ENTHD1: variants seen among roughly 807,000 people sequenced by gnomAD.
ENTHD1 encodes the protein ENTH domain-containing protein 1.
A neutral mutation model predicts 39.1 loss-of-function variants in ENTHD1; 23 were observed. The ratio of observed to expected loss-of-function variants is 0.59; its 90% confidence interval spans 0.42 to 0.83. The LOEUF (loss-of-function observed/expected upper bound fraction) is 0.83, where lower values mean the gene tolerates loss of function less well. Ranked by LOEUF, ENTHD1 falls within the 40% of genes least tolerant of loss-of-function variation. The probability of loss-of-function intolerance (pLI) is 0.00; values close to 1 mark genes in which losing one functional copy is unlikely to be tolerated. For synonymous variants in ENTHD1, 230 were observed against 258.2 expected (o/e 0.89, Z 1.05); for missense variants, 624 against 705.4 (o/e 0.88, Z 1.31).
At chr22:39,814,761 T>C (rs949166790) in intron 5 of ENTHD1, among the ~76,000 whole-genome samples, 3 of 152,218 alleles carry the variant, frequency 2.0e-5, no homozygotes, top group Admixed American at 2.0e-4. Context: ...TAATTCCAGC[T>C]GCATTAAATA....
intron 4 of ENTHD1, among the ~76,000 whole-genome samples, chr22:39,826,010 G>A (rs2065823495): frequency 1.3e-5 from 2 of 152,106 alleles, no homozygotes; most frequent in African/African-American, 4.8e-5. Flanking sequence ...TGAGTAGCTG[G>A]GACTATAGGC....
chr22:39,779,747 T>C (rs1168439459), intron 5 of ENTHD1, among the ~76,000 whole-genome samples: 1 of 152,130 alleles, frequency 6.6e-6, no homozygotes, highest in Non-Finnish European at 1.5e-5. Flanking sequence ...ATATAAAATA[T>C]GTAAATTGAC....
chr22:39,807,913 G>GTA lies in ENTHD1; in HGVS notation c.832+13078_832+13079dup, dbSNP rs1555929241. 6.3e-3 allele frequency among the ~76,000 whole-genome samples: 954 copies of GTA among 150,538 alleles called. 8 individuals carry two copies. The highest frequency in any genetic ancestry group is 0.021 in the African/African-American group (878 of 40,854). ...CGTGTGTGTGTGTGTGTGTGTGTGT[G>GTA]TATATATATACTGGGTCATGACATA... On this transcript the variant is annotated intron_variant, in intron 5 of 6. Transcript: ENST00000325157.
At chr22:39,866,781 C>T (rs2066185234) in intron 2 of ENTHD1, among the ~76,000 whole-genome samples, 1 of 152,216 alleles carries the variant, frequency 6.6e-6, no homozygotes, top group Admixed American at 6.5e-5. Flanking sequence ...CTGTCTTTTC[C>T]CTCCAATTAA....
chr22:39,888,570 G>T (rs956189358), intron 1 of ENTHD1, among the ~76,000 whole-genome samples: 1 of 152,072 alleles, frequency 6.6e-6, no homozygotes, highest in Non-Finnish European at 1.5e-5. Flanking sequence ...TGGGATTACA[G>T]ATGCACGCCA....
intron 5 of ENTHD1, among the ~76,000 whole-genome samples, chr22:39,771,938 T>C (rs2065329446): frequency 6.6e-6 from 1 of 152,144 alleles, no homozygotes; most frequent in Non-Finnish European, 1.5e-5. Flanking sequence ...TATAGGAGAA[T>C]GTAAAAGATT....
chr22:39,857,510 G>C (rs1180302425), intron 3 of ENTHD1, among the ~76,000 whole-genome samples: 1 of 146,288 alleles, frequency 6.8e-6, no homozygotes, highest in Non-Finnish European at 1.5e-5. Context: ...AGAATTTCTT[G>C]CATGAATCAT....
Position 39,825,708 on chromosome 22 carries a change from T to G in ENTHD1, c.712-4595A>C, listed in dbSNP as rs80282903. ...TGTCAAAGTTATAAAGTTTTTGTGGTTTTTTTTTTTGTTTTCTTTTTGAGA... is the reference window on the plus strand; with the variant it reads ...TGTCAAAGTTATAAAGTTTTTGTGGGTTTTTTTTTTGTTTTCTTTTTGAGA... On this transcript the variant is annotated intron_variant, in intron 4 of 6. Coordinates refer to ENST00000325157, the MANE Select transcript of ENTHD1 (RefSeq NM_152512.4). 4.6e-3 allele frequency among the ~76,000 whole-genome samples: 657 copies of G among 142,792 alleles called. 10 individuals carry two copies. Among genetic ancestry groups the G allele is most frequent in the African/African-American group, 0.015 (599 of 38,656 alleles). The allele number at this position is 142,792 out of a possible 152,430, so 93.7% of individuals were successfully genotyped here.
At chr22:39,813,801 C>G (rs1457316970) in intron 5 of ENTHD1, among the ~76,000 whole-genome samples, 8 of 152,002 alleles carry the variant, frequency 5.3e-5, no homozygotes, top group African/African-American at 1.9e-4. Flanking sequence ...GATTTTCAAC[C>G]TAAGAAACCC....
At chr22:39,816,649 C>A (rs932363023) in intron 5 of ENTHD1, among the ~76,000 whole-genome samples, 1 of 151,968 alleles carries the variant, frequency 6.6e-6, no homozygotes, top group African/African-American at 2.4e-5. Flanking sequence ...AAACCATTCG[C>A]AAATACTTTA....
In ENTHD1 at chr22:39,768,902, G is replaced by A. The variant is rs2065299433; in HGVS notation, c.833-3293C>T. ...ACAAGCAGAAGTCACAATTCCTACT[G>A]TCGATGAACTAATGCCAATGAACGA... is the stretch of plus-strand genomic sequence containing the variant. On this transcript the variant is annotated intron_variant, in intron 5 of 6. Transcript: ENST00000325157. Among the ~76,000 whole-genome samples, 5 of 152,054 alleles carry A rather than the reference G, an allele frequency of 3.3e-5. No individual in the cohort carries two copies. The South Asian group carries it at 1.0e-3, about 32-fold the overall frequency.
chr22:39,752,122 T>A (rs1281162853), intron 6 of ENTHD1, among the ~76,000 whole-genome samples: 1 of 152,018 alleles, frequency 6.6e-6, no homozygotes, highest in Non-Finnish European at 1.5e-5. Context: ...TAGATATACT[T>A]TTTGGTATAC....
intron 4 of ENTHD1, among the ~76,000 whole-genome samples, chr22:39,834,671 C>T (rs903544103): frequency 7.2e-5 from 11 of 152,156 alleles, no homozygotes; most frequent in African/African-American, 2.6e-4. Flanking sequence ...AAAATATGTA[C>T]ACAAATATTC....
intron 5 of ENTHD1, among the ~76,000 whole-genome samples, chr22:39,808,945 T>C (rs530357262): frequency 2.6e-5 from 4 of 152,322 alleles, no homozygotes; most frequent in Non-Finnish European, 1.5e-5. Context: ...GGGAATTAAG[T>C]TTAAAAAGGT....
At chr22:39,768,604 A>G (rs1297283963) in intron 5 of ENTHD1, among the ~76,000 whole-genome samples, 1 of 152,016 alleles carries the variant, frequency 6.6e-6, no homozygotes, top group Non-Finnish European at 1.5e-5. Context: ...TTTTCACTTA[A>G]TTATATGCTA....
chr22:39,764,511 G>T (rs1210277399), intron 6 of ENTHD1, among the ~76,000 whole-genome samples: 3 of 151,948 alleles, frequency 2.0e-5, no homozygotes, highest in African/African-American at 7.3e-5. Context: ...ATATGAGTTG[G>T]TTAGCACTAT....
chr22:39,795,947 ATCT>A (rs1347517930), intron 5 of ENTHD1, among the ~76,000 whole-genome samples: 7 of 150,662 alleles, frequency 4.6e-5, no homozygotes, highest in African/African-American at 9.8e-5. Flanking sequence ...TGTTATTTGG[ATCT>A]TCTTTTTTAT....
chr22:39,766,911 T>C (rs950835800), intron 5 of ENTHD1, among the ~76,000 whole-genome samples: 10 of 152,212 alleles, frequency 6.6e-5, no homozygotes, highest in Non-Finnish European at 5.9e-5. Context: ...TAAAACTCAA[T>C]TCAAGTATCA....
chr22:39,832,257 G>A (rs1398407714), intron 4 of ENTHD1, among the ~76,000 whole-genome samples: 2 of 152,170 alleles, frequency 1.3e-5, no homozygotes, highest in Admixed American at 1.3e-4. Context: ...GTTACAGTGA[G>A]CTATGATCAT....
Sources: allele counts gnomAD v4.1 joint callset (sites outside exome capture counted in the v4.1 genomes callset), GRCh38; gene constraint gnomAD v4.1.1; transcripts MANE v1.5; gene names NCBI Gene and HGNC (gene_info 2026-07-23, HGNC 2026-07-21).